The following ACSS3 variants were observed in gnomAD, a reference collection of about 807,000 sequenced individuals.
ACSS3 encodes acyl-CoA synthetase short-chain family member 3, mitochondrial.
In ACSS3, 64 loss-of-function variants were observed where a neutral mutation model predicts 84.2. The ratio of observed to expected loss-of-function variants is 0.76; its 90% CI spans 0.62 to 0.94. The LOEUF is 0.94. ACSS3 is among the 40% of genes least tolerant of loss of function. ACSS3 has a pLI of 0.00. For missense variants in ACSS3, 815 were observed against 867.6 expected (o/e 0.94, Z 0.76); for synonymous variants, 317 against 310.1 (o/e 1.02, Z -0.23).
In ACSS3 at chr12:81,220,078, TA is replaced by T; in HGVS notation, c.1514+4del. The T allele has an allele frequency of 6.5e-7, 1 of 1,533,144 alleles. No individual in the cohort carries two copies. The highest frequency in any genetic ancestry group is 8.8e-7 in the Non-Finnish European group (1 of 1,139,404). 95.0% of individuals were successfully genotyped at this position (1,533,144 alleles called of 1,614,324 possible). A position where few individuals can be genotyped will look rare whatever the true frequency, so the allele number is the denominator to read the frequency against. On this transcript the variant is annotated splice_donor_region_variant and intron_variant, in intron 11 of 15. Transcript: ENST00000548058. ...GTGTTTAGGAAATATTGTGGTAAAGTAAGCAAAAATTTCAATACTACTATAT... is the reference window on the plus strand; with the variant it reads ...GTGTTTAGGAAATATTGTGGTAAAGTAGCAAAAATTTCAATACTACTATAT...
In ACSS3 at chr12:81,231,557, A is replaced by G. The variant is rs537074582; in HGVS notation, c.1596+419A>G. Among the ~76,000 whole-genome samples the G allele has an allele frequency of 2.0e-5, 3 of 151,974 alleles. No homozygotes were observed. In the East Asian group the frequency reaches 5.8e-4, roughly 30 times the overall value. ...CTTACTGGTTATATGAGCAAAATCC[A>G]TTCAGCTTGCCCAGAAGTTGTATTT... is the stretch of plus-strand genomic sequence containing the variant. On this transcript the variant is annotated intron_variant, in intron 12 of 15. Coordinates refer to ENST00000548058, the MANE Select transcript of ACSS3 (RefSeq NM_024560.4).
intron 8 of ACSS3, among the ~76,000 whole-genome samples, chr12:81,189,503 G>T (rs1275056558): frequency 6.6e-6 from 1 of 152,070 alleles, no homozygotes; most frequent in Admixed American, 6.6e-5. Flanking sequence ...CCATTGGAAG[G>T]TCCTCTTTTA....
chr12:81,253,142 A>G (rs1275676625), intron 13 of ACSS3, among the ~76,000 whole-genome samples, 165 bp from the exon 14 acceptor site: 1 of 152,094 alleles, frequency 6.6e-6, no homozygotes, highest in East Asian at 1.9e-4. Context: ...TTACTTATGA[A>G]TTTTCAATAG....
At position 81,258,769 on chromosome 12, in the gene ACSS3, ACT is replaced by A. The variant is rs2034486817; in HGVS notation, c.*3850_*3851del. 6.6e-6 allele frequency: 1 copy of A among 150,734 alleles called. No individual in the cohort carries two copies. Among genetic ancestry groups the A allele is most frequent in the Non-Finnish European group, 1.5e-5 (1 of 67,570 alleles). 9.3% of individuals were successfully genotyped at this position (150,734 alleles called of 1,614,324 possible). A position where few individuals can be genotyped will look rare whatever the true frequency, so the allele number is the denominator to read the frequency against. ...TTTCTCTAGTGGAAATGAGCCTCAG[ACT>A]CTGCGGTGGTTGACATTCACTGTCC... On this transcript the variant is annotated 3_prime_UTR_variant, in exon 16 of 16. Coordinates refer to ENST00000548058, the MANE Select transcript of ACSS3 (RefSeq NM_024560.4).
chr12:81,153,425 GT>G (rs1886713416), intron 7 of ACSS3, among the ~76,000 whole-genome samples: 1 of 151,272 alleles, frequency 6.6e-6, no homozygotes, highest in Non-Finnish European at 1.5e-5. Flanking sequence ...AAAAAAAAAG[GT>G]GAAGAAATTG....
Position 81,152,093 on chromosome 12 carries a change from T to C in ACSS3, c.1095T>C (p.Tyr365=). Residue 365 remains tyrosine (Y), a synonymous_variant, in exon 7 of 16, where the codon TAT becomes TAC. Coordinates refer to ENST00000548058, the MANE Select transcript of ACSS3 (RefSeq NM_024560.4). ...PLLHGNTTVL[Y]EGKPVGTPDA... is the part of the protein sequence containing the mutation. ...TTCATGGGAACACAACAGTTTTATA[T>C]GAGGTAATAAAGTAAAGTTAATACC... 1 of 1,609,080 alleles carries C rather than the reference T, an allele frequency of 6.2e-7. No homozygotes were observed. Among genetic ancestry groups the C allele is most frequent in the South Asian group, 1.1e-5 (1 of 90,428 alleles).
intron 1 of ACSS3, among the ~76,000 whole-genome samples, chr12:81,082,756 A>G (rs888997531): frequency 6.6e-6 from 1 of 152,220 alleles, no homozygotes; most frequent in Non-Finnish European, 1.5e-5. Flanking sequence ...CACTGGGTCA[A>G]TACAGGCTTG....
intron 9 of ACSS3, among the ~76,000 whole-genome samples, chr12:81,202,891 G>T (rs1267146399): frequency 2.0e-5 from 3 of 152,160 alleles, no homozygotes; most frequent in Non-Finnish European, 2.9e-5. Flanking sequence ...GTTAATCGGG[G>T]TTCTCCAGAG....
chr12:81,094,420 A>G (rs1489706141), intron 1 of ACSS3: 2 of 152,206 alleles, frequency 1.3e-5, no homozygotes, highest in Non-Finnish European at 2.9e-5. Flanking sequence ...TCTTTTTATC[A>G]TAAGCAGTAA....
At position 81,260,910 on chromosome 12, in the gene ACSS3, T is replaced by C. The variant is rs569117857; in HGVS notation, c.*5988T>C. ...ATAGTTTTAGGTTGAAAAAAAATTA[T>C]GAACATTTGACATTTATAAATCTAA... On this transcript the variant is annotated 3_prime_UTR_variant, in exon 16 of 16. Coordinates refer to ENST00000548058, the MANE Select transcript of ACSS3 (RefSeq NM_024560.4). 1.7e-4 allele frequency: 26 copies of C among 152,360 alleles called. No homozygotes were observed. Among genetic ancestry groups the C allele is most frequent in the Non-Finnish European group, 3.2e-4 (22 of 68,030 alleles). 9.4% of individuals were successfully genotyped at this position (152,360 alleles called of 1,614,324 possible). A position where few individuals can be genotyped will look rare whatever the true frequency, so the allele number is the denominator to read the frequency against.
chr12:81,110,156 A>T (rs570066374), intron 2 of ACSS3, among the ~76,000 whole-genome samples: 1 of 152,346 alleles, frequency 6.6e-6, no homozygotes, highest in African/African-American at 2.4e-5. Flanking sequence ...TTCTTAAAAA[A>T]TGCTGTTATT....
chr12:81,243,901 T>C (rs577859567), intron 13 of ACSS3, among the ~76,000 whole-genome samples: 1 of 152,232 alleles, frequency 6.6e-6, no homozygotes, highest in Non-Finnish European at 1.5e-5. Context: ...ATAATTTTTT[T>C]ATTTTACATT....
intron 15 of ACSS3, among the ~76,000 whole-genome samples, chr12:81,254,190 A>G: frequency 6.6e-6 from 1 of 152,116 alleles, no homozygotes; most frequent in East Asian, 1.9e-4. Context: ...TCAACCTCCC[A>G]AAGTGCTGGG....
intron 9 of ACSS3, among the ~76,000 whole-genome samples, chr12:81,200,526 A>G (rs1025449404): frequency 6.6e-6 from 1 of 152,216 alleles, no homozygotes; most frequent in Non-Finnish European, 1.5e-5. Flanking sequence ...GCAGTGTTTG[A>G]TACTTCAGAA....
chr12:81,094,022 C>T (rs1665568116), intron 1 of ACSS3, among the ~76,000 whole-genome samples: 1 of 151,942 alleles, frequency 6.6e-6, no homozygotes, highest in African/African-American at 2.4e-5. Flanking sequence ...GAATATTTAA[C>T]ATATTGGGTG....
intron 9 of ACSS3, among the ~76,000 whole-genome samples, chr12:81,199,973 C>G (rs1055243534): frequency 6.6e-6 from 1 of 152,202 alleles, no homozygotes; most frequent in African/African-American, 2.4e-5. Context: ...TTCTGCCTAG[C>G]ATTAAAGGCA....
chr12:81,142,269 T>C lies in ACSS3; in HGVS notation c.781-838T>C, dbSNP rs543038722. ...CAATTATAAACTTCCTGATGTGTGATCTTGAGCTCAGCTAACATCTAAGAA... is the reference window on the plus strand; with the variant it reads ...CAATTATAAACTTCCTGATGTGTGACCTTGAGCTCAGCTAACATCTAAGAA... On this transcript the variant is annotated intron_variant, in intron 4 of 15. Transcript: ENST00000548058. Among the ~76,000 whole-genome samples the C allele has an allele frequency of 3.3e-5, 5 of 152,312 alleles. No homozygotes were observed. In the South Asian group the frequency reaches 1.0e-3, roughly 32 times the overall value.
At chr12:81,113,687 G>A (rs1312472865) in intron 2 of ACSS3, among the ~76,000 whole-genome samples, 1 of 152,062 alleles carries the variant, frequency 6.6e-6, no homozygotes, top group Non-Finnish European at 1.5e-5. Context: ...TTTACTGCAG[G>A]AATGTCTTAG....
rs145094764 is a variant in ACSS3 at position 81,199,665 on chromosome 12, A to G, written c.1354+221A>G. The G allele has an allele frequency of 6.0e-4, 878 of 1,462,728 alleles. 11 individuals carry two copies. In the East Asian group the frequency reaches 0.02, roughly 33 times the overall value. 90.6% of individuals were successfully genotyped at this position (1,462,728 alleles called of 1,614,324 possible). Reference sequence around the variant, plus strand: ...ACCATTCTCTTGGTCCCTAGGTATAAAGCACTAAAGACCTCTTTATCTTCT... The same window carrying G: ...ACCATTCTCTTGGTCCCTAGGTATAGAGCACTAAAGACCTCTTTATCTTCT... On this transcript the variant is annotated intron_variant, in intron 9 of 15. Coordinates refer to ENST00000548058, the MANE Select transcript of ACSS3 (RefSeq NM_024560.4).
Sources: allele counts gnomAD v4.1 joint callset (sites outside exome capture counted in the v4.1 genomes callset), GRCh38; gene constraint gnomAD v4.1.1; transcripts MANE v1.5; gene names NCBI Gene and HGNC (gene_info 2026-07-23, HGNC 2026-07-21).